AGAP1: variants seen among roughly 807,000 people sequenced by gnomAD.
The protein encoded by AGAP1 is ArfGAP with GTPase domain, ankyrin repeat and PH domain 1.
AGAP1 carries 29 observed loss-of-function variants against 105.3 expected under a neutral mutation model. The observed-to-expected ratio is 0.28, with a 90% confidence interval of 0.21 to 0.38. The LOEUF is 0.38. Among genes scored for constraint, AGAP1 ranks in the 10% least tolerant of loss-of-function variants. AGAP1 has a pLI of 1.00. For missense variants in AGAP1, 998 were observed against 1,165.1 expected (o/e 0.86, Z 2.09); for synonymous variants, 509 against 485.9 (o/e 1.05, Z -0.63).
At chr2:235,634,753 T>C (rs527713156) in intron 1 of AGAP1, among the ~76,000 whole-genome samples, 103 of 152,344 alleles carry the variant, frequency 6.8e-4, no homozygotes, top group Non-Finnish European at 1.2e-3. Flanking sequence ...CTGAGAACAC[T>C]AATTTTTTTT....
At chr2:235,628,905 G>A (rs1389168660) in intron 1 of AGAP1, among the ~76,000 whole-genome samples, 1 of 151,962 alleles carries the variant, frequency 6.6e-6, no homozygotes, top group African/African-American at 2.4e-5. Flanking sequence ...TCTGCCTCTC[G>A]GGTTCAAGCA....
intron 3 of AGAP1, among the ~76,000 whole-genome samples, chr2:235,730,370 C>T (rs1178903146): frequency 2.6e-5 from 4 of 151,456 alleles, no homozygotes; most frequent in African/African-American, 4.9e-5. Context: ...ATTGTGCATC[C>T]GTCTCAGGTC....
chr2:235,945,583 C>T (rs1213981515), intron 12 of AGAP1, among the ~76,000 whole-genome samples: 7 of 89,654 alleles, frequency 7.8e-5, no homozygotes, highest in Non-Finnish European at 1.2e-4. Context: ...TGCATTTTCC[C>T]CTAATAAAAA....
At chr2:235,594,892 T>TG (rs1189016815) in intron 1 of AGAP1, among the ~76,000 whole-genome samples, 1 of 150,846 alleles carries the variant, frequency 6.6e-6, no homozygotes, top group Non-Finnish European at 1.5e-5. Context: ...TGTTTTTTTT[T>TG]TTTTTTTTTT....
intron 10 of AGAP1, among the ~76,000 whole-genome samples, chr2:235,884,860 ACAGCAGCAGCAG>A (rs10526218): frequency 0.32 from 48,474 of 151,166 alleles, 8,578 homozygotes; most frequent in Admixed American, 0.46. Flanking sequence ...AGTAATAGTC[ACAGCAGCAGCAG>A]CAGCAGCAGC....
In AGAP1 at chr2:235,604,572, C is replaced by CTTTTTTTTTTTTTTTT. The variant is rs1166523228; in HGVS notation, c.164-104594_164-104579dup. Reference sequence around the variant, plus strand: ...CGTGTTTCTTTTTTATTTTTATTATCTTTTTTTTTTTTTTTTTTTTTTTTT... The same window carrying CTTTTTTTTTTTTTTTT: ...CGTGTTTCTTTTTTATTTTTATTATCTTTTTTTTTTTTTTTTTTTTTTTTTTTTTTTTTTTTTTTTT... On this transcript the variant is annotated intron_variant, in intron 1 of 17. Transcript: ENST00000304032. Among the ~76,000 whole-genome samples, 8 of 69,674 alleles carry CTTTTTTTTTTTTTTTT rather than the reference C, an allele frequency of 1.1e-4. 1 individual carries two copies. Among genetic ancestry groups the CTTTTTTTTTTTTTTTT allele is most frequent in the East Asian group, 4.9e-4 (1 of 2,052 alleles). 45.7% of individuals were successfully genotyped at this position (69,674 alleles called of 152,430 possible).
At chr2:236,006,876 CTGAA>C (rs2056340209) in intron 13 of AGAP1, among the ~76,000 whole-genome samples, 1 of 152,108 alleles carries the variant, frequency 6.6e-6, no homozygotes, top group South Asian at 2.1e-4. Context: ...TTGCTGAAAC[CTGAA>C]TGAAGTTGAT....
At chr2:236,084,537 A>G (rs1447769066) in intron 16 of AGAP1, among the ~76,000 whole-genome samples, 4 of 152,142 alleles carry the variant, frequency 2.6e-5, no homozygotes, top group Non-Finnish European at 5.9e-5. Context: ...TTTCAGGAAA[A>G]CCTCTGTTTG....
At chr2:235,561,916 G>A (rs964012023) in intron 1 of AGAP1, among the ~76,000 whole-genome samples, 14 of 152,076 alleles carry the variant, frequency 9.2e-5, no homozygotes, top group Non-Finnish European at 1.5e-4. Context: ...CAAAATTCAA[G>A]GCTTTTCATT....
Position 236,102,214 on chromosome 2 carries a change from G to A in AGAP1, c.2115-17978G>A, listed in dbSNP as rs376530041. Among the ~76,000 whole-genome samples the A allele has an allele frequency of 5.5e-4, 84 of 151,858 alleles. 1 individual carries two copies. Among genetic ancestry groups the A allele is most frequent in the African/African-American group, 1.7e-3 (71 of 41,292 alleles). ...GGGCGGATCACAAGGTCAGGAGATC[G>A]AGACCATCCTGGCTAACACGGTGAA... On this transcript the variant is annotated intron_variant, in intron 16 of 17. Coordinates refer to ENST00000304032, the MANE Select transcript of AGAP1 (RefSeq NM_001037131.3).
In AGAP1 at chr2:235,621,655, C is replaced by G. The variant is rs74324816; in HGVS notation, c.164-87524C>G. Reference sequence around the variant, plus strand: ...AGTGACCCTTCTGGTCTCTCCAACACAAGGGTTGGTCATTCCCTGTGCCCA... The same window carrying G: ...AGTGACCCTTCTGGTCTCTCCAACAGAAGGGTTGGTCATTCCCTGTGCCCA... On this transcript the variant is annotated intron_variant, in intron 1 of 17. Coordinates refer to ENST00000304032, the MANE Select transcript of AGAP1 (RefSeq NM_001037131.3). This position sits in a 1 kb window ranked among gnomAD's most constrained non-coding sequence, Gnocchi z 4.1. Among the ~76,000 whole-genome samples the G allele has an allele frequency of 0.012, 1,797 of 152,340 alleles. 17 individuals are homozygous for G. Among genetic ancestry groups the G allele is most frequent in the Middle Eastern group, 0.027 (8 of 294 alleles).
chr2:235,734,099 A>G lies in AGAP1; in HGVS notation c.311-6864A>G, dbSNP rs1220324632. ...TGAAATTTTAAATATTCTCCTAGGGAAAAACGAGGGCTGATTGTCCTTTTC... is the reference window on the plus strand; with the variant it reads ...TGAAATTTTAAATATTCTCCTAGGGGAAAACGAGGGCTGATTGTCCTTTTC... On this transcript the variant is annotated intron_variant, in intron 3 of 17. Transcript: ENST00000304032. This position sits in a 1 kb window ranked among gnomAD's most constrained non-coding sequence, Gnocchi z 5.3. 6.6e-6 allele frequency among the ~76,000 whole-genome samples: 1 copy of G among 152,214 alleles called. No individual in the cohort carries two copies. The highest frequency in any genetic ancestry group is 1.5e-5 in the Non-Finnish European group (1 of 68,044).
chr2:235,524,476 G>A (rs747857666), intron 1 of AGAP1: 3 of 309,202 alleles, frequency 9.7e-6, no homozygotes, highest in South Asian at 8.8e-5. Context: ...CAGTGGATGC[G>A]ATGGGCAGTT....
At position 235,652,959 on chromosome 2, in the gene AGAP1, G is replaced by A. The variant is rs372318012; in HGVS notation, c.164-56220G>A. Among the ~76,000 whole-genome samples, 369 of 152,216 alleles carry A rather than the reference G, an allele frequency of 2.4e-3. 1 individual carries two copies. The highest frequency in any genetic ancestry group is 7.8e-3 in the African/African-American group (324 of 41,532). On this transcript the variant is annotated intron_variant, in intron 1 of 17. Coordinates refer to ENST00000304032, the MANE Select transcript of AGAP1 (RefSeq NM_001037131.3). ...TGCACACTCTAGCCTGGGGGACAGA[G>A]CCAGACTCTGTCTCGAAAAACAAGA...
At position 235,864,147 on chromosome 2, in the gene AGAP1, T is replaced by G. The variant is rs929755336; in HGVS notation, c.1051-19198T>G. Among the ~76,000 whole-genome samples the G allele has an allele frequency of 7.9e-5, 12 of 152,304 alleles. No homozygotes were observed. The highest frequency in any genetic ancestry group is 2.9e-4 in the African/African-American group (12 of 41,570). ...GCTGTAGCATGTGTAATCTTTGCAGTGACAACAATTTAGGGATCATTCGCT... is the reference window on the plus strand; with the variant it reads ...GCTGTAGCATGTGTAATCTTTGCAGGGACAACAATTTAGGGATCATTCGCT... On this transcript the variant is annotated intron_variant, in intron 9 of 17. Coordinates refer to ENST00000304032, the MANE Select transcript of AGAP1 (RefSeq NM_001037131.3). This position sits in a 1 kb window ranked among gnomAD's most constrained non-coding sequence, Gnocchi z 5.0.
At chr2:235,630,919 C>T (rs1946808637) in intron 1 of AGAP1, among the ~76,000 whole-genome samples, 2 of 152,220 alleles carry the variant, frequency 1.3e-5, no homozygotes, top group African/African-American at 4.8e-5. Flanking sequence ...ACACGAGTGA[C>T]AGCCAGCCGC....
chr2:235,722,686 G>C (rs555609178), intron 3 of AGAP1, among the ~76,000 whole-genome samples: 1 of 152,264 alleles, frequency 6.6e-6, no homozygotes, highest in African/African-American at 2.4e-5. Context: ...CCTCTATCCA[G>C]GTGAGGTCAC....
chr2:235,757,209 T>A lies in AGAP1; in HGVS notation c.673+6721T>A, dbSNP rs182191010. ...ATTATCATCTCTCTGCTTAACGGTCTCCAGGGCCAGTTTGGTGATCTCACA... is the reference window on the plus strand; with the variant it reads ...ATTATCATCTCTCTGCTTAACGGTCACCAGGGCCAGTTTGGTGATCTCACA... On this transcript the variant is annotated intron_variant, in intron 6 of 17. Transcript: ENST00000304032. Among the ~76,000 whole-genome samples, 77 of 152,236 alleles carry A rather than the reference T, an allele frequency of 5.1e-4. 1 individual carries two copies.
At chr2:235,813,922 G>A (rs900915686) in intron 9 of AGAP1, among the ~76,000 whole-genome samples, 3 of 152,138 alleles carry the variant, frequency 2.0e-5, no homozygotes, top group Admixed American at 6.5e-5. Context: ...CCCTGGAGTC[G>A]GGCCACTCAG....
Sources: allele counts gnomAD v4.1 joint callset (sites outside exome capture counted in the v4.1 genomes callset), GRCh38; gene constraint gnomAD v4.1.1; non-coding constraint Gnocchi (gnomAD v3.1); transcripts MANE v1.5; gene names NCBI Gene and HGNC (gene_info 2026-07-23, HGNC 2026-07-21).